XPO5: variants seen among roughly 807,000 people sequenced by gnomAD.
The protein encoded by XPO5 is exportin 5, also known as exportin-5.
In XPO5, 46 loss-of-function variants were observed where a neutral mutation model predicts 160.6. That is an observed-to-expected ratio of 0.29 (90% CI 0.23 to 0.37). XPO5 has a LOEUF of 0.37. XPO5 is among the 10% of genes least tolerant of loss of function. The probability of loss-of-function intolerance (pLI) is 1.00; values close to 1 mark genes in which losing one functional copy is unlikely to be tolerated. For missense variants in XPO5, 1,090 were observed against 1,463.9 expected (o/e 0.74, Z 4.17); for synonymous variants, 537 against 519.3 (o/e 1.03, Z -0.46).
chr6:43,570,242 G>A (rs1285528115), intron 5 of XPO5, among the ~76,000 whole-genome samples: 3 of 146,308 alleles, frequency 2.1e-5, no homozygotes, highest in Non-Finnish European at 4.5e-5. Context: ...AACCTGGGAG[G>A]CAGAGGTTGC....
chr6:43,556,012 T>A (rs1302375629), intron 12 of XPO5, 48 bp from the exon 13 acceptor site: 2 of 1,606,802 alleles, frequency 1.2e-6, no homozygotes, highest in Non-Finnish European at 1.7e-6. Flanking sequence ...ATAACTGGTA[T>A]AAAATAAGTA....
chr6:43,530,197 C>CA (rs1237597251), intron 23 of XPO5, among the ~76,000 whole-genome samples: 8 of 152,116 alleles, frequency 5.3e-5, no homozygotes, highest in Admixed American at 5.2e-4. Context: ...GTGGAAGTTG[C>CA]AGTAAGACAA....
intron 12 of XPO5, 195 bp from the exon 13 acceptor site, chr6:43,556,159 T>C: frequency 1.5e-6 from 1 of 647,276 alleles, no homozygotes; most frequent in Non-Finnish European, 2.4e-6. Flanking sequence ...AAATGATCTC[T>C]GGAAACTGTA....
chr6:43,555,662 T>A (rs1233270635), intron 13 of XPO5, 174 bp downstream of exon 13: 1 of 644,430 alleles, frequency 1.6e-6, no homozygotes, highest in African/African-American at 1.8e-5. Flanking sequence ...AAATGTGTCA[T>A]CTGCTTTCTT....
Position 43,573,581 on chromosome 6 carries a change from T to C in XPO5, c.126A>G (p.Glu42=). 1 of 1,613,330 alleles carries C rather than the reference T, an allele frequency of 6.2e-7. No homozygotes were observed. The highest frequency in any genetic ancestry group is 8.5e-7 in the Non-Finnish European group (1 of 1,179,520). ...EALKFCEEFK[E]KCPICVPCGL... Reference sequence around the variant, plus strand: ...CACAGGGGACACAGATAGGACACTTTTCTTTAAACTCCTCACAAAACTGAA... The same window carrying C: ...CACAGGGGACACAGATAGGACACTTCTCTTTAAACTCCTCACAAAACTGAA... The change falls in exon 2 of 32, where the codon GAA becomes GAG. Residue 42 remains glutamate, a synonymous_variant. Coordinates refer to ENST00000265351, the MANE Select transcript of XPO5 (RefSeq NM_020750.3).
intron 20 of XPO5, 35 bp from the exon 21 acceptor site, chr6:43,534,042 T>TC (rs1794164170): frequency 6.5e-7 from 1 of 1,527,096 alleles, no homozygotes; most frequent in East Asian, 2.4e-5. Context: ...AGCTTTTCCA[T>TC]CTGATGCAGA....
intron 5 of XPO5, 86 bp from the exon 6 acceptor site, chr6:43,568,823 A>G: frequency 2.5e-6 from 3 of 1,193,228 alleles, no homozygotes; most frequent in Non-Finnish European, 3.5e-6. Context: ...AATGCCCTTG[A>G]ATAATGATTC....
intron 15 of XPO5, 98 bp downstream of exon 15, chr6:43,551,200 G>A: frequency 7.8e-7 from 1 of 1,289,814 alleles, no homozygotes; most frequent in East Asian, 2.6e-5. Context: ...AGTCCAGCCT[G>A]GGCAATGTAG....
chr6:43,559,231 A>G (rs1434777591), intron 11 of XPO5, among the ~76,000 whole-genome samples: 1 of 152,214 alleles, frequency 6.6e-6, no homozygotes. Flanking sequence ...CAGGAGGCAG[A>G]GGTTGCAGTG....
At chr6:43,574,490 TTA>T (rs1176654754) in intron 1 of XPO5, among the ~76,000 whole-genome samples, 1 of 150,224 alleles carries the variant, frequency 6.7e-6, no homozygotes, top group Admixed American at 6.6e-5. Context: ...TGTGTATATA[TTA>T]TATATATATT....
intron 1 of XPO5, among the ~76,000 whole-genome samples, chr6:43,574,829 T>C (rs543122233): frequency 6.6e-6 from 1 of 152,146 alleles, no homozygotes; most frequent in South Asian, 2.1e-4. Context: ...ATATTAATAA[T>C]AAAAACCAAA....
Position 43,533,890 on chromosome 6 carries a change from A to C in XPO5, c.2443+17T>G. 6.4e-7 allele frequency: 1 copy of C among 1,570,360 alleles called. No individual in the cohort carries two copies. The highest frequency in any genetic ancestry group is 1.4e-5 in the African/African-American group (1 of 73,768). On this transcript the variant is annotated intron_variant, in intron 21 of 31. Coordinates refer to ENST00000265351, the MANE Select transcript of XPO5 (RefSeq NM_020750.3). ...GGATAAGATAAACCTTAGGAGAAAA[A>C]AGGTTACATTTCTTACCTAATATAG... is the stretch of plus-strand genomic sequence containing the variant.
chr6:43,560,203 C>G lies in XPO5; in HGVS notation c.1196G>C (p.Arg399Pro). The change falls in exon 11 of 32, where the codon CGT becomes CCT. Residue 399 changes from arginine (R) to proline (P), a missense_variant. Around this residue, in one of 3 missense-constraint regions of XPO5, gnomAD observed 810 missense variants for 1,139.0 expected, o/e 0.71. Coordinates refer to ENST00000265351, the MANE Select transcript of XPO5 (RefSeq NM_020750.3). ...CTTGACCAAGTTAGTCATGGAAGCA[C>G]GAAGATATTTTGGTATTATTGCTAA... Reference protein sequence around the residue: ...LLLAIIPKYLRASMTNLVKMG... With the variant: ...LLLAIIPKYLPASMTNLVKMG... 1 of 1,612,192 alleles carries G rather than the reference C, an allele frequency of 6.2e-7. No individual in the cohort carries two copies. Among genetic ancestry groups the G allele is most frequent in the Non-Finnish European group, 8.5e-7 (1 of 1,179,110 alleles).
intron 8 of XPO5, among the ~76,000 whole-genome samples, chr6:43,564,983 T>C (rs112255077): frequency 0.032 from 4,913 of 151,302 alleles, 258 homozygotes; most frequent in African/African-American, 0.11. Flanking sequence ...AGTAGAGTGG[T>C]GTGATCTCAG....
chr6:43,563,381 C>A (rs1002519140), intron 8 of XPO5, among the ~76,000 whole-genome samples: 1 of 152,200 alleles, frequency 6.6e-6, no homozygotes, highest in Non-Finnish European at 1.5e-5. Context: ...GCAATCTTCA[C>A]GGCTTGGCCT....
intron 17 of XPO5, among the ~76,000 whole-genome samples, chr6:43,548,930 G>A (rs1795095564): frequency 6.6e-6 from 1 of 152,052 alleles, no homozygotes; most frequent in African/African-American, 2.4e-5. Context: ...ACATAGTAAA[G>A]AGTTGTAGAA....
chr6:43,530,665 T>G, intron 23 of XPO5, 23 bp downstream of exon 23: 1 of 1,610,300 alleles, frequency 6.2e-7, no homozygotes, highest in Non-Finnish European at 8.5e-7. Context: ...TTTTGGGTTA[T>G]GTAGAGACTT....
Position 43,528,184 on chromosome 6 carries a change from C to T in XPO5, c.2797G>A (p.Val933Ile). The change falls in exon 25 of 32, where the codon GTT becomes ATT. Residue 933 changes from valine (V) to isoleucine (I), a missense_variant. Transcript: ENST00000265351. ...LHMRLSQKWQ[V>I]INQRSLLCGE... is the part of the protein sequence containing the mutation. Reference sequence around the variant, plus strand: ...CACAGCAGGCTCCTTTGGTTGATAACTTGCCATTTCTGAGAAAGCCTCTGG... The same window carrying T: ...CACAGCAGGCTCCTTTGGTTGATAATTTGCCATTTCTGAGAAAGCCTCTGG... 1 of 1,594,194 alleles carries T rather than the reference C, an allele frequency of 6.3e-7. No homozygotes were observed.
At chr6:43,557,504 G>A (rs1762161213) in intron 12 of XPO5, among the ~76,000 whole-genome samples, 2 of 152,260 alleles carry the variant, frequency 1.3e-5, no homozygotes, top group Admixed American at 1.3e-4. Flanking sequence ...AAAGAAGGCA[G>A]TCACAATAGA....
Sources: gnomAD v4.1 joint callset for allele counts (sites outside exome capture counted in the v4.1 genomes callset) on GRCh38, gnomAD v4.1.1 for gene constraint, gnomAD v4.1.1 regional missense constraint, MANE v1.5 for transcripts, NCBI Gene and HGNC (gene_info 2026-07-23, HGNC 2026-07-21) for gene names.